Variants in ZNF532 observed in about 807,000 individuals in gnomAD.
ZNF532 encodes zinc finger protein 532.
In ZNF532, 22 loss-of-function variants were observed where a neutral mutation model predicts 89.3. The ratio of observed to expected loss-of-function variants is 0.25; its 90% CI spans 0.18 to 0.35. The LOEUF is 0.35. Among genes scored for constraint, ZNF532 ranks in the 10% least tolerant of loss-of-function variants. The pLI is 1.00. For missense variants in ZNF532, 1,132 were observed against 1,643.4 expected (o/e 0.69, Z 5.38); for synonymous variants, 606 against 649.6 (o/e 0.93, Z 1.02).
intron 5 of ZNF532, among the ~76,000 whole-genome samples, chr18:58,944,123 A>T (rs1449829651): frequency 2.0e-5 from 3 of 152,068 alleles, no homozygotes; most frequent in South Asian, 4.1e-4. Flanking sequence ...GGCTGTGGGG[A>T]TTAGGTGTAT....
intron 2 of ZNF532, among the ~76,000 whole-genome samples, chr18:58,901,309 C>T (rs556928007): frequency 8.5e-5 from 13 of 152,220 alleles, no homozygotes; most frequent in Admixed American, 1.3e-4. Flanking sequence ...CCAGGTTGGT[C>T]CTGAACGGCT....
At position 58,919,962 on chromosome 18, in the gene ZNF532, G is replaced by T. The variant is rs1423368251; in HGVS notation, c.1675G>T (p.Ala559Ser). 6.2e-7 allele frequency: 1 copy of T among 1,613,802 alleles called. No individual in the cohort carries two copies. Among genetic ancestry groups the T allele is most frequent in the South Asian group, 1.1e-5 (1 of 91,028 alleles). The change falls in exon 3 of 10, where the codon GCA becomes TCA. Residue 559 changes from alanine (A) to serine (S), a missense_variant. By Grantham distance (99) the Ala-to-Ser change is moderately conservative. This residue lies in a region of ZNF532 where 97 missense variants were observed against 143.7 expected (regional missense o/e 0.68). Coordinates refer to ENST00000591808, the MANE Select transcript of ZNF532 (RefSeq NM_001375912.1). This position sits in a 1 kb window ranked among gnomAD's most constrained non-coding sequence, Gnocchi z 6.1. Reference sequence around the variant, plus strand: ...AATAAAGCAGGCAATAATCAATGCAGCAGCCTCGCAACCCCCCAAAAAGGT... The same window carrying T: ...AATAAAGCAGGCAATAATCAATGCATCAGCCTCGCAACCCCCCAAAAAGGT... Reference protein sequence around the residue: ...QQIKQAIINAAASQPPKKVSR... With the variant: ...QQIKQAIINASASQPPKKVSR...
chr18:58,919,133 G>A lies in ZNF532; in HGVS notation c.846G>A (p.Ala282=), dbSNP rs1262110585. The change falls in exon 3 of 10, where the codon GCG becomes GCA. Residue 282 remains alanine (A), a synonymous_variant. Transcript: ENST00000591808. The surrounding 1 kb of genome is among the most constrained non-coding windows in gnomAD (Gnocchi z 6.1). The part of the protein sequence containing the change: ...AAIAALSAKK[A]ASDSCKEPVA... ...TCGCGGCTCTCAGCGCTAAAAAGGCGGCTTCAGACTCCTGCAAAGAACCAG... is the reference window on the plus strand; with the variant it reads ...TCGCGGCTCTCAGCGCTAAAAAGGCAGCTTCAGACTCCTGCAAAGAACCAG... The A allele has an allele frequency of 8.7e-6, 14 of 1,614,176 alleles. No individual in the cohort carries two copies. The highest frequency in any genetic ancestry group is 3.3e-5 in the South Asian group (3 of 91,076).
At chr18:58,889,053 A>G (rs2058705685) in intron 2 of ZNF532, among the ~76,000 whole-genome samples, 1 of 148,792 alleles carries the variant, frequency 6.7e-6, no homozygotes, top group South Asian at 2.1e-4. Context: ...GAAAGTTCCA[A>G]ATGAGCATTT....
At chr18:58,946,189 T>TA (rs1372880755) in intron 5 of ZNF532, among the ~76,000 whole-genome samples, 2 of 152,250 alleles carry the variant, frequency 1.3e-5, no homozygotes, top group East Asian at 3.9e-4. Flanking sequence ...AATGTGATCA[T>TA]ACCATACATT....
intron 2 of ZNF532, among the ~76,000 whole-genome samples, chr18:58,891,665 A>C (rs965472597): frequency 6.6e-6 from 1 of 152,310 alleles, no homozygotes; most frequent in Non-Finnish European, 1.5e-5. Context: ...CATGTGTTTT[A>C]AGCTTTTTAC....
intron 2 of ZNF532, among the ~76,000 whole-genome samples, chr18:58,868,886 A>G (rs2056720696): frequency 6.6e-6 from 1 of 152,244 alleles, no homozygotes. Flanking sequence ...ATGTACTTAC[A>G]CAAACCTAGA....
Position 58,912,327 on chromosome 18 carries a change from A to G in ZNF532, c.-17-5944A>G, listed in dbSNP as rs184059281. Among the ~76,000 whole-genome samples the G allele has an allele frequency of 3.9e-5, 6 of 152,324 alleles. No individual in the cohort carries two copies. In the East Asian group the frequency reaches 9.6e-4, roughly 24 times the overall value. On this transcript the variant is annotated intron_variant, in intron 2 of 9. Coordinates refer to ENST00000591808, the MANE Select transcript of ZNF532 (RefSeq NM_001375912.1). Reference sequence around the variant, plus strand: ...GGTTTAAGGAAACCAGTAAATAACTATTTTGGATAGTAGCAACTATATTTG... The same window carrying G: ...GGTTTAAGGAAACCAGTAAATAACTGTTTTGGATAGTAGCAACTATATTTG...
intron 2 of ZNF532, among the ~76,000 whole-genome samples, chr18:58,907,360 A>G (rs1227853701): frequency 6.6e-6 from 1 of 151,826 alleles, no homozygotes; most frequent in Non-Finnish European, 1.5e-5. Context: ...TAATTTTTGT[A>G]TTTTTAGTAG....
intron 5 of ZNF532, among the ~76,000 whole-genome samples, chr18:58,946,986 T>C (rs1179610272): frequency 6.6e-6 from 1 of 152,158 alleles, no homozygotes; most frequent in Non-Finnish European, 1.5e-5. Context: ...GGCATTCCGT[T>C]CTTCAACTTT....
intron 2 of ZNF532, among the ~76,000 whole-genome samples, chr18:58,914,397 A>G (rs529303046): frequency 2.0e-5 from 3 of 152,368 alleles, no homozygotes; most frequent in African/African-American, 7.2e-5. Context: ...TTAAAAGACC[A>G]TTGGCCAGGC....
chr18:58,954,720 T>TG (rs1239734840), intron 7 of ZNF532, among the ~76,000 whole-genome samples: 163 of 140,950 alleles, frequency 1.2e-3, no homozygotes, highest in Admixed American at 2.2e-3. Flanking sequence ...ACTTTTTTTT[T>TG]TTTTTTTTTT....
intron 7 of ZNF532, among the ~76,000 whole-genome samples, chr18:58,963,639 G>A (rs1603303562): frequency 7.8e-6 from 1 of 127,896 alleles, no homozygotes; most frequent in South Asian, 2.5e-4. Context: ...GTGTGTGTGT[G>A]TGTGTGTATG....
intron 2 of ZNF532, among the ~76,000 whole-genome samples, chr18:58,909,850 G>C (rs1256297079): frequency 6.6e-6 from 1 of 152,172 alleles, no homozygotes; most frequent in African/African-American, 2.4e-5. Context: ...GTAGTAAATA[G>C]GGCAGCAAGG....
intron 5 of ZNF532, among the ~76,000 whole-genome samples, chr18:58,942,294 T>G (rs531860375): frequency 7.1e-6 from 1 of 139,876 alleles, no homozygotes; most frequent in Non-Finnish European, 1.5e-5. Context: ...AGTGCTGGGA[T>G]TACAGGCGTG....
At chr18:58,973,285 T>C (rs972360104) in intron 7 of ZNF532, among the ~76,000 whole-genome samples, 1 of 152,172 alleles carries the variant, frequency 6.6e-6, no homozygotes, top group African/African-American at 2.4e-5. Context: ...GTATTTTTAG[T>C]AGAGACAGGA....
chr18:58,908,523 A>G (rs2060084711), intron 2 of ZNF532, among the ~76,000 whole-genome samples: 1 of 152,230 alleles, frequency 6.6e-6, no homozygotes. Flanking sequence ...CAAAAACATA[A>G]GAGAAAAAAA....
At chr18:58,888,113 G>A (rs2058431895) in intron 2 of ZNF532, among the ~76,000 whole-genome samples, 1 of 152,076 alleles carries the variant, frequency 6.6e-6, no homozygotes, top group Non-Finnish European at 1.5e-5. Context: ...ATATTTTAAA[G>A]GAATTTACTC....
chr18:58,892,947 A>C (rs2058999531), intron 2 of ZNF532, among the ~76,000 whole-genome samples: 1 of 151,832 alleles, frequency 6.6e-6, no homozygotes, highest in Non-Finnish European at 1.5e-5. Context: ...CAGTTACTCC[A>C]GATTATCAAC....
Sources: gnomAD v4.1 joint callset for allele counts (sites outside exome capture counted in the v4.1 genomes callset) on GRCh38, gnomAD v4.1.1 for gene constraint, gnomAD v4.1.1 regional missense constraint, Gnocchi (gnomAD v3.1) non-coding constraint, MANE v1.5 for transcripts, NCBI Gene and HGNC (gene_info 2026-07-23, HGNC 2026-07-21) for gene names.